Variants in SCN9A observed in about 807,000 individuals in gnomAD.
SCN9A encodes sodium voltage-gated channel alpha subunit 9.
Under a neutral mutation model 187.0 loss-of-function variants are expected in SCN9A, and 131 were observed. The ratio of observed to expected loss-of-function variants is 0.70; its 90% CI spans 0.61 to 0.81. The LOEUF (loss-of-function observed/expected upper bound fraction) is 0.81. SCN9A is among the 30% of genes least tolerant of loss of function. The pLI, the probability that SCN9A is intolerant of heterozygous loss-of-function variation, is 0.00. For synonymous variants in SCN9A, 809 were observed against 808.6 expected, an observed-to-expected ratio of 1.00 and a Z score of -0.01; for missense variants, 2,252 against 2,396.6, an observed-to-expected ratio of 0.94 and a Z score of 1.26.
chr2:166,299,069 CCTGTTTCGGTGGAG>C (rs1272627069), intron 7 of SCN9A, among the ~76,000 whole-genome samples: 1 of 152,178 alleles, frequency 6.6e-6, no homozygotes, highest in African/African-American at 2.4e-5. Flanking sequence ...TATCTTTCCT[CCTGTTTCGGTGGAG>C]CTGTCGCTCC....
intron 26 of SCN9A, among the ~76,000 whole-genome samples, chr2:166,202,945 C>T (rs558618020): frequency 1.8e-4 from 27 of 151,628 alleles, no homozygotes; most frequent in Non-Finnish European, 3.5e-4. Context: ...ATGTACCTCT[C>T]TGTTTTCTTA....
At chr2:166,215,731 C>T (rs1417992562) in intron 24 of SCN9A, among the ~76,000 whole-genome samples, 1 of 132,196 alleles carries the variant, frequency 7.6e-6, no homozygotes, top group African/African-American at 2.9e-5. Flanking sequence ...CTGAACAAAC[C>T]AATACTGGAT....
intron 19 of SCN9A, among the ~76,000 whole-genome samples, chr2:166,238,567 C>T (rs1207074763): frequency 6.6e-6 from 1 of 152,172 alleles, no homozygotes; most frequent in East Asian, 1.9e-4. Context: ...CTGATTCCTC[C>T]TCTTTCTCCA....
At position 166,269,488 on chromosome 2, in the gene SCN9A, C is replaced by T. The variant is rs1439649153; in HGVS notation, c.3351+2911G>A. On this transcript the variant is annotated intron_variant, in intron 17 of 26. Coordinates refer to ENST00000642356, the MANE Select transcript of SCN9A (RefSeq NM_001365536.1). ...CAAGAGAGGTAGAAATTCCATTGAG[C>T]TATAAGTCACAAGCCTAGGACTCTT... Among the ~76,000 whole-genome samples, 4 of 151,966 alleles carry T rather than the reference C, an allele frequency of 2.6e-5. 1 individual carries two copies. Among genetic ancestry groups the T allele is most frequent in the Non-Finnish European group, 5.9e-5 (4 of 67,930 alleles).
chr2:166,294,895 G>A (rs1362255230), intron 7 of SCN9A, among the ~76,000 whole-genome samples: 1 of 152,120 alleles, frequency 6.6e-6, no homozygotes, highest in Non-Finnish European at 1.5e-5. Context: ...AAAATCATTA[G>A]TTTTATGAGA....
At chr2:166,234,456 ATCTATT>A (rs1218064277) in intron 20 of SCN9A, among the ~76,000 whole-genome samples, 1 of 152,208 alleles carries the variant, frequency 6.6e-6, no homozygotes, top group Non-Finnish European at 1.5e-5. Flanking sequence ...TTATATATTT[ATCTATT>A]TCAGGCGTAG....
At chr2:166,371,823 C>T (rs1009562793) in intron 1 of SCN9A, among the ~76,000 whole-genome samples, 6 of 151,992 alleles carry the variant, frequency 3.9e-5, no homozygotes, top group African/African-American at 1.5e-4. Context: ...CACAATATGT[C>T]CTCTTCAGAG....
chr2:166,196,045 CTTAAAAAAGTT>C lies in SCN9A; in HGVS notation c.*2616_*2626del, dbSNP rs145255931. On this transcript the variant is annotated 3_prime_UTR_variant, in exon 27 of 27. Coordinates refer to ENST00000642356, the MANE Select transcript of SCN9A (RefSeq NM_001365536.1). ...TGGGTGACAGAGCGAGACCTGGTCA[CTTAAAAAAGTT>C]TTTAGAAAACCTGTTTGCTTCCATT... is the stretch of plus-strand genomic sequence containing the variant. 0.48 allele frequency: 72,927 copies of C among 151,348 alleles called. 17,861 individuals carry two copies. Among genetic ancestry groups the C allele is most frequent in the African/African-American group, 0.56 (23,030 of 41,220 alleles). 9.4% of individuals were successfully genotyped at this position (151,348 alleles called of 1,614,324 possible).
chr2:166,255,857 A>C (rs556075290), intron 17 of SCN9A, among the ~76,000 whole-genome samples: 1 of 151,636 alleles, frequency 6.6e-6, no homozygotes, highest in East Asian at 1.9e-4. Flanking sequence ...ACTAAGCTCC[A>C]TTATCTGTTA....
At chr2:166,204,326 A>C (rs754875444) in intron 25 of SCN9A, 34 bp downstream of exon 25, 2 of 1,566,384 alleles carry the variant, frequency 1.3e-6, no homozygotes, top group Non-Finnish European at 1.7e-6. Flanking sequence ...ATAATTTGAA[A>C]ATCTATATGC....
At position 166,204,111 on chromosome 2, in the gene SCN9A, T is replaced by A. The variant is rs202145429; in HGVS notation, c.4618A>T (p.Ser1540Cys). The change falls in exon 26 of 27, where the codon AGT becomes TGT. Residue 1540 changes from serine (S) to cysteine (C), a missense_variant. Transcript: ENST00000642356. ...TATAAAACTTCAGTCATATGTTGAC[T>A]TTGACCCTCCTTTTCTACCATCATG... ...VTMMVEKEGQSQHMTEVLYWI... is the reference protein window; with the variant it reads ...VTMMVEKEGQCQHMTEVLYWI... The A allele has an allele frequency of 1.1e-5, 18 of 1,612,730 alleles. No homozygotes were observed. The highest frequency in any genetic ancestry group is 1.4e-5 in the Non-Finnish European group (17 of 1,179,200).
intron 7 of SCN9A, chr2:166,294,877 C>A: frequency 2.5e-6 from 1 of 393,446 alleles, no homozygotes; most frequent in Non-Finnish European, 4.5e-6. Flanking sequence ...ACAATAAACA[C>A]GATAAATAAA....
At chr2:166,237,140 A>G (rs1055231120) in intron 20 of SCN9A, among the ~76,000 whole-genome samples, 4 of 151,818 alleles carry the variant, frequency 2.6e-5, no homozygotes, top group Non-Finnish European at 5.9e-5. Context: ...AAAATAATGT[A>G]AGAAAGCCAT....
chr2:166,277,566 C>T (rs1485259786), intron 15 of SCN9A: 7 of 449,050 alleles, frequency 1.6e-5, no homozygotes, highest in Admixed American at 3.8e-5. Context: ...AAACTATGTA[C>T]TTTTAGTTCA....
chr2:166,359,019 C>A (rs1431978742), intron 1 of SCN9A, among the ~76,000 whole-genome samples: 1 of 152,116 alleles, frequency 6.6e-6, no homozygotes, highest in Non-Finnish European at 1.5e-5. Flanking sequence ...AATAATATTT[C>A]TTTCAACCTA....
Position 166,286,407 on chromosome 2 carries a change from T to C in SCN9A, c.1531A>G (p.Arg511Gly). The C allele has an allele frequency of 1.2e-6, 2 of 1,613,928 alleles. No homozygotes were observed. The highest frequency in any genetic ancestry group is 1.7e-6 in the Non-Finnish European group (2 of 1,179,842). ...SKSESEDSIRRKSFHLGVEGH... is the reference protein window; with the variant it reads ...SKSESEDSIRGKSFHLGVEGH... ...TCGACACCAAGGTGGAAACTTTTTC[T>C]TCTGATGCTGTCCTCTGATTCTGAT... Residue 511 changes from arginine to glycine, a missense_variant, in exon 11 of 27, where the codon AGA (arginine) becomes GGA (glycine). Transcript: ENST00000642356.
Position 166,227,711 on chromosome 2 carries a change from C to T in SCN9A, c.4219G>A (p.Gly1407Arg). 6.6e-7 allele frequency: 1 copy of T among 1,512,748 alleles called. No individual in the cohort carries two copies. The highest frequency in any genetic ancestry group is 9.0e-7 in the Non-Finnish European group (1 of 1,108,980). The allele number at this position is 1,512,748 out of a possible 1,614,324, so 93.7% of individuals were successfully genotyped here. A position where few individuals can be genotyped will look rare whatever the true frequency, so the allele number is the denominator to read the frequency against. ...GCTGCATACATAATAATCGTCCATC[C>T]CTTAAAAGTTGCCTTTAAGAATAAC... Reference protein sequence around the residue: ...LSLLQVATFKGWTIIMYAAVD... With the variant: ...LSLLQVATFKRWTIIMYAAVD... The change falls in exon 23 of 27, where the codon GGA becomes AGA. Residue 1407 changes from glycine (G) to arginine (R), a missense_variant. Physicochemically the swap from Gly to Arg is moderately radical, Grantham distance 125. This residue lies in a region of SCN9A where 368 missense variants were observed against 408.6 expected (regional missense o/e 0.90). Transcript: ENST00000642356.
At chr2:166,230,654 C>T (rs377398745) in intron 21 of SCN9A, among the ~76,000 whole-genome samples, 11 of 152,236 alleles carry the variant, frequency 7.2e-5, no homozygotes, top group Middle Eastern at 3.4e-3. Flanking sequence ...CCAGACTTCC[C>T]CGGATAGCCA....
At chr2:166,250,263 G>A (rs1266267896) in intron 18 of SCN9A, among the ~76,000 whole-genome samples, 1 of 152,100 alleles carries the variant, frequency 6.6e-6, no homozygotes, top group African/African-American at 2.4e-5. Context: ...AATGCTGAGG[G>A]TAAGCCCATG....
Sources: allele counts gnomAD v4.1 joint callset (sites outside exome capture counted in the v4.1 genomes callset), GRCh38; gene constraint gnomAD v4.1.1; regional missense constraint gnomAD v4.1.1; transcripts MANE v1.5; gene names NCBI Gene and HGNC (gene_info 2026-07-23, HGNC 2026-07-21).